Variants in PLA2G5 observed in about 807,000 individuals in gnomAD.
The protein encoded by PLA2G5 is phospholipase A2 group V.
PLA2G5 carries 12 observed loss-of-function variants against 15.9 expected under a neutral mutation model. The ratio of observed to expected loss-of-function variants is 0.76; its 90% CI spans 0.48 to 1.23. The LOEUF is 1.23. Among genes scored for constraint, PLA2G5 ranks in the 50% most tolerant of loss-of-function variants. The pLI, the probability that PLA2G5 is intolerant of heterozygous loss-of-function variation, is 0.00. For synonymous variants in PLA2G5, 71 were observed against 71.4 expected (o/e 0.99, Z 0.03); for missense variants, 169 against 177.1 (o/e 0.95, Z 0.26).
chr1:20,049,135 A>G (rs181551963), intron 1 of PLA2G5, among the ~76,000 whole-genome samples: 72 of 152,270 alleles, frequency 4.7e-4, no homozygotes, highest in African/African-American at 1.7e-3. Context: ...ATAATTTTAT[A>G]TGAGAAAGAA....
intron 2 of PLA2G5, among the ~76,000 whole-genome samples, chr1:20,062,865 AGAGACTCT>A (rs1234379436): frequency 6.6e-6 from 1 of 152,086 alleles, no homozygotes; most frequent in Admixed American, 6.5e-5. Flanking sequence ...CTGGCCTTCG[AGAGACTCT>A]GAGATGATGG....
chr1:20,080,905 G>A (rs2015978495), intron 1 of PLA2G5, among the ~76,000 whole-genome samples: 1 of 151,898 alleles, frequency 6.6e-6, no homozygotes, highest in South Asian at 2.1e-4. Context: ...TTGGTCAGGG[G>A]AGCAGGGCCC....
chr1:20,087,782 G>T (rs2016368153), intron 3 of PLA2G5, among the ~76,000 whole-genome samples: 1 of 151,832 alleles, frequency 6.6e-6, no homozygotes, highest in Admixed American at 6.6e-5. Flanking sequence ...GTGCCAAAAA[G>T]TAAGGAAGTG....
At position 20,090,883 on chromosome 1, in the gene PLA2G5, C is replaced by A; in HGVS notation, c.*191C>A. On this transcript the variant is annotated 3_prime_UTR_variant, in exon 5 of 5. Coordinates refer to ENST00000375108, the MANE Select transcript of PLA2G5 (RefSeq NM_000929.3). Reference sequence around the variant, plus strand: ...CAGGAGAGTGACTCTGGTCATAGGACTTGGTAGGGTCCCAGGGTCCCTAGG... The same window carrying A: ...CAGGAGAGTGACTCTGGTCATAGGAATTGGTAGGGTCCCAGGGTCCCTAGG... The A allele has an allele frequency of 1.7e-6, 1 of 586,436 alleles. No homozygotes were observed. The highest frequency in any genetic ancestry group is 3.0e-6 in the Non-Finnish European group (1 of 334,014). 36.3% of individuals were successfully genotyped at this position (586,436 alleles called of 1,614,324 possible). A position where few individuals can be genotyped will look rare whatever the true frequency, so the allele number is the denominator to read the frequency against.
At chr1:20,029,719 C>T (rs1385824048) in intron 1 of PLA2G5, among the ~76,000 whole-genome samples, 3 of 152,070 alleles carry the variant, frequency 2.0e-5, no homozygotes, top group African/African-American at 7.2e-5. Context: ...ATCAGTCCTG[C>T]GAACAGGGGA....
In PLA2G5 at chr1:20,039,927, AC is replaced by A. The variant is rs1480394774; in HGVS notation, n.276+11219del. 2.0e-5 allele frequency among the ~76,000 whole-genome samples: 3 copies of A among 152,192 alleles called. No homozygotes were observed. The East Asian group carries it at 5.8e-4, about 29-fold the overall frequency. On this transcript the variant is annotated intron_variant and non_coding_transcript_variant, in intron 1 of 6. Transcript: ENST00000460175. The stretch of plus-strand genomic sequence containing the variant: ...GTGGGCCATAAAATAAAATTTATAA[AC>A]TAGATATTGTGGAATGCATTCTCAC...
At chr1:20,031,758 G>C (rs915711983) in intron 1 of PLA2G5, among the ~76,000 whole-genome samples, 1 of 152,104 alleles carries the variant, frequency 6.6e-6, no homozygotes, top group East Asian at 1.9e-4. Context: ...TAGCTTTCCC[G>C]ATGTGGGAGT....
chr1:20,035,865 T>G (rs746539802), intron 1 of PLA2G5, among the ~76,000 whole-genome samples: 8 of 152,262 alleles, frequency 5.3e-5, no homozygotes, highest in Admixed American at 3.3e-4. Flanking sequence ...GGTTCTATTT[T>G]GGTGTATTTC....
chr1:20,069,240 C>T (rs962254919), upstream of PLA2G5, among the ~76,000 whole-genome samples: 4 of 152,042 alleles, frequency 2.6e-5, no homozygotes, highest in African/African-American at 7.2e-5. Flanking sequence ...GTGCATGCCC[C>T]TCATCTGACC....
intron 1 of PLA2G5, among the ~76,000 whole-genome samples, chr1:20,044,366 T>TCG (rs60018248): frequency 0.073 from 8,490 of 116,414 alleles, 364 homozygotes; most frequent in East Asian, 0.22. Context: ...TTAATTCCTG[T>TCG]TGTGGGGGGG....
chr1:20,070,110 T>C (rs2015272874), upstream of PLA2G5: 11 of 728,922 alleles, frequency 1.5e-5, no homozygotes, highest in Non-Finnish European at 1.8e-5. Flanking sequence ...CGCATTGGAA[T>C]TCTCTGGGTG....
In PLA2G5 at chr1:20,091,022, C is replaced by G. The variant is rs2016542990; in HGVS notation, c.*330C>G. ...GTCCTGGCTCCAGTTGGAACACTTT[C>G]CTGAGATGCACTTACTTCTCAGCTT... On this transcript the variant is annotated 3_prime_UTR_variant, in exon 5 of 5. Coordinates refer to ENST00000375108, the MANE Select transcript of PLA2G5 (RefSeq NM_000929.3). The G allele has an allele frequency of 1.3e-5, 3 of 230,336 alleles. No individual in the cohort carries two copies. Among genetic ancestry groups the G allele is most frequent in the Non-Finnish European group, 2.6e-5 (3 of 117,168 alleles). The allele number at this position is 230,336 out of a possible 1,614,324, so 14.3% of individuals were successfully genotyped here. A position where few individuals can be genotyped will look rare whatever the true frequency, so the allele number is the denominator to read the frequency against.
intron 2 of PLA2G5, among the ~76,000 whole-genome samples, chr1:20,064,019 T>C (rs934902450): frequency 1.4e-4 from 21 of 152,208 alleles, no homozygotes; most frequent in African/African-American, 7.2e-5. Context: ...ACTTGACTTA[T>C]GCAAATACCA....
rs943646419 is a variant in PLA2G5, at chr1:20,070,331, G to A, written c.-145G>A. The A allele has an allele frequency of 5.1e-6, 5 of 985,364 alleles. No individual in the cohort carries two copies. Among genetic ancestry groups the A allele is most frequent in the Non-Finnish European group, 6.0e-6 (5 of 829,974 alleles). The allele number at this position is 985,364 out of a possible 1,614,324, so 61.0% of individuals were successfully genotyped here. ...GGAGGCCAAGAATTTGACTCCCCCCGGATCCATGGTCTGTGGATACCAATG... is the reference window on the plus strand; with the variant it reads ...GGAGGCCAAGAATTTGACTCCCCCCAGATCCATGGTCTGTGGATACCAATG... On this transcript the variant is annotated 5_prime_UTR_variant, in exon 1 of 5. Coordinates refer to ENST00000375108, the MANE Select transcript of PLA2G5 (RefSeq NM_000929.3).
chr1:20,075,201 G>GAA (rs2015601615), intron 1 of PLA2G5, among the ~76,000 whole-genome samples: 1 of 152,136 alleles, frequency 6.6e-6, no homozygotes, highest in African/African-American at 2.4e-5. Flanking sequence ...ATAGAACTCA[G>GAA]GTTATCTTGT....
intron 1 of PLA2G5, chr1:20,076,969 G>A (rs535403643): frequency 1.3e-5 from 2 of 152,402 alleles, no homozygotes; most frequent in Admixed American, 1.3e-4. Flanking sequence ...AGGTTCTCAG[G>A]GTGAGGGAGT....
chr1:20,085,128 A>T (rs146427468), intron 2 of PLA2G5, among the ~76,000 whole-genome samples: 3 of 152,306 alleles, frequency 2.0e-5, no homozygotes, highest in African/African-American at 7.2e-5. Flanking sequence ...AAGGTTGTGG[A>T]CATAGAGGTT....
At chr1:20,043,147 A>G (rs2013711654) in intron 1 of PLA2G5, among the ~76,000 whole-genome samples, 1 of 152,052 alleles carries the variant, frequency 6.6e-6, no homozygotes, top group Non-Finnish European at 1.5e-5. Flanking sequence ...GGTGTAGGGG[A>G]ATAATGGAAA....
chr1:20,054,036 T>C (rs2014312684), intron 1 of PLA2G5, among the ~76,000 whole-genome samples: 1 of 152,192 alleles, frequency 6.6e-6, no homozygotes, highest in Non-Finnish European at 1.5e-5. Context: ...CAAGATGCTG[T>C]TTGGACCATG....
Sources: gnomAD v4.1 joint callset for allele counts (sites outside exome capture counted in the v4.1 genomes callset) on GRCh38, gnomAD v4.1.1 for gene constraint, MANE v1.5 for transcripts, NCBI Gene and HGNC (gene_info 2026-07-23, HGNC 2026-07-21) for gene names.